RIMS2: variants seen among roughly 807,000 people sequenced by gnomAD.
RIMS2 encodes the protein regulating synaptic membrane exocytosis protein 2.
In RIMS2, 59 loss-of-function variants were observed where a neutral mutation model predicts 174.4. The observed-to-expected ratio is 0.34, with a 90% CI of 0.27 to 0.42. The LOEUF (loss-of-function observed/expected upper bound fraction) is 0.42. Among genes scored for constraint, RIMS2 ranks in the 10% least tolerant of loss-of-function variants. RIMS2 has a pLI of 1.00. For synonymous variants in RIMS2, 606 were observed against 572.5 expected, an observed-to-expected ratio of 1.06 and a Z score of -0.84; for missense variants, 1,620 against 1,666.3, an observed-to-expected ratio of 0.97 and a Z score of 0.48.
intron 1 of RIMS2, among the ~76,000 whole-genome samples, chr8:103,561,326 A>G (rs1563786245): frequency 6.6e-6 from 1 of 152,198 alleles, no homozygotes; most frequent in Non-Finnish European, 1.5e-5. Context: ...AAAAATAAGA[A>G]ACATACCCAT....
chr8:104,013,616 A>G, exon 18 of RIMS2: 1 of 1,613,180 alleles, frequency 6.2e-7, no homozygotes, highest in African/African-American at 1.3e-5. Flanking sequence ...CACCTGCCTT[A>G]TCGAGGTGAA....
chr8:103,652,290 A>G, intron 1 of RIMS2, 53 bp downstream of exon 2: 1 of 1,070,160 alleles, frequency 9.3e-7, no homozygotes, highest in Middle Eastern at 2.4e-4. Context: ...CTTTTGCCAC[A>G]TACTGCTTTC....
chr8:103,918,664 A>T (rs1412290327), intron 9 of RIMS2, 177 bp downstream of exon 12: 1 of 574,842 alleles, frequency 1.7e-6, no homozygotes, highest in Non-Finnish European at 3.2e-6. Flanking sequence ...AAAAACAAAA[A>T]TGTAGAATAT....
chr8:104,045,457 A>C lies in RIMS2; in HGVS notation c.3334+30842A>C, dbSNP rs112208726. 9.9e-4 allele frequency among the ~76,000 whole-genome samples: 151 copies of C among 152,010 alleles called. 2 individuals carry two copies. The highest frequency in any genetic ancestry group is 3.5e-3 in the African/African-American group (144 of 41,552). ...GACAATTTTTTAAAATAATTGTTAAACAAGTCTAATACAAAATAAATTTTA... is the reference window on the plus strand; with the variant it reads ...GACAATTTTTTAAAATAATTGTTAACCAAGTCTAATACAAAATAAATTTTA... On this transcript the variant is annotated intron_variant, in intron 19 of 23. Coordinates refer to ENST00000504942, the Ensembl canonical transcript of RIMS2.
At position 104,066,829 on chromosome 8, in the gene RIMS2, G is replaced by C. The variant is rs1278197087; in HGVS notation, c.3334+52214G>C. Among the ~76,000 whole-genome samples, 6 of 151,940 alleles carry C rather than the reference G, an allele frequency of 3.9e-5. No homozygotes were observed. The East Asian group carries it at 1.2e-3, about 29-fold the overall frequency. On this transcript the variant is annotated intron_variant, in intron 19 of 23. Transcript: ENST00000504942. ...ATTGAATAGTTGATTTAAATTTTCT[G>C]GTATTTAGAGGTAATATAGTATAAG...
intron 19 of RIMS2, among the ~76,000 whole-genome samples, chr8:104,150,821 A>G (rs1428598412): frequency 1.3e-5 from 2 of 152,164 alleles, no homozygotes; most frequent in African/African-American, 4.8e-5. Context: ...ATATGGTCAT[A>G]TTTGTATGTA....
intron 1 of RIMS2, among the ~76,000 whole-genome samples, chr8:103,679,996 C>T (rs1465359259): frequency 6.6e-6 from 1 of 152,058 alleles, no homozygotes; most frequent in African/African-American, 2.4e-5. Flanking sequence ...TGAGTAGTGA[C>T]AGAGACTGTA....
chr8:103,781,390 G>A (rs984600981), intron 3 of RIMS2, among the ~76,000 whole-genome samples: 12 of 152,168 alleles, frequency 7.9e-5, no homozygotes, highest in Non-Finnish European at 1.8e-4. Flanking sequence ...TTCTGTGGGG[G>A]TGGAGGGAGT....
chr8:104,197,919 C>G (rs2099033694), intron 19 of RIMS2, among the ~76,000 whole-genome samples: 1 of 151,074 alleles, frequency 6.6e-6, no homozygotes, highest in Non-Finnish European at 1.5e-5. Context: ...ACATAGGTAC[C>G]AATGAGGCAA....
chr8:103,606,779 C>G (rs565784562), intron 1 of RIMS2, among the ~76,000 whole-genome samples: 3 of 151,748 alleles, frequency 2.0e-5, no homozygotes, highest in African/African-American at 7.3e-5. Context: ...CTCTTTTGAT[C>G]TTTGTTGGTT....
At chr8:103,686,881 C>G (rs1466050914) in intron 1 of RIMS2, among the ~76,000 whole-genome samples, 2 of 152,064 alleles carry the variant, frequency 1.3e-5, no homozygotes. Context: ...CCTGCCTCAG[C>G]CTCTTGGGTA....
At chr8:103,996,886 A>G (rs2095135509) in intron 17 of RIMS2, among the ~76,000 whole-genome samples, 1 of 151,926 alleles carries the variant, frequency 6.6e-6, no homozygotes, top group South Asian at 2.1e-4. Flanking sequence ...TATGAACTGA[A>G]CTATAAGTTA....
At chr8:103,614,472 T>C (rs1344212237) in intron 1 of RIMS2, among the ~76,000 whole-genome samples, 3 of 152,266 alleles carry the variant, frequency 2.0e-5, no homozygotes, top group Non-Finnish European at 4.4e-5. Context: ...CCCCTTTTAA[T>C]GATTCAAAGT....
chr8:104,062,998 G>A (rs1205708185), intron 19 of RIMS2, among the ~76,000 whole-genome samples: 1 of 151,764 alleles, frequency 6.6e-6, no homozygotes, highest in Non-Finnish European at 1.5e-5. Flanking sequence ...ATAATATTTT[G>A]ATTTATGTTC....
intron 3 of RIMS2, among the ~76,000 whole-genome samples, chr8:103,776,448 G>A (rs745385200): frequency 9.2e-5 from 14 of 152,104 alleles, no homozygotes; most frequent in Non-Finnish European, 2.1e-4. Context: ...GTAGGAAATA[G>A]AGGTTGAACA....
intron 17 of RIMS2, among the ~76,000 whole-genome samples, chr8:104,009,291 T>G (rs970808007): frequency 1.2e-4 from 17 of 142,364 alleles, no homozygotes; most frequent in East Asian, 4.0e-4. Context: ...TTTCTGCTGG[T>G]TTTTTTTTTT....
chr8:103,787,303 A>C (rs2154438499), intron 3 of RIMS2, among the ~76,000 whole-genome samples: 1 of 151,400 alleles, frequency 6.6e-6, no homozygotes, highest in African/African-American at 2.4e-5. Flanking sequence ...TGTGAATCTG[A>C]TCTTGTCGTT....
At chr8:103,749,392 A>G (rs550897795) in intron 2 of RIMS2, among the ~76,000 whole-genome samples, 2 of 152,282 alleles carry the variant, frequency 1.3e-5, no homozygotes, top group African/African-American at 4.8e-5. Context: ...GATTACAGGC[A>G]TGAGCCACGG....
At chr8:104,150,106 G>A (rs2098677105) in intron 19 of RIMS2, among the ~76,000 whole-genome samples, 1 of 151,882 alleles carries the variant, frequency 6.6e-6, no homozygotes. Context: ...TTTTGAAATT[G>A]AGGTTTTTTT....
Sources: gnomAD v4.1 joint callset for allele counts (sites outside exome capture counted in the v4.1 genomes callset) on GRCh38, gnomAD v4.1.1 for gene constraint, MANE v1.5 for transcripts, NCBI Gene and HGNC (gene_info 2026-07-23, HGNC 2026-07-21) for gene names.